ZFHX3: variants seen among roughly 807,000 people sequenced by gnomAD.
ZFHX3 encodes zinc finger homeobox 3.
Under a neutral mutation model 279.1 loss-of-function variants are expected in ZFHX3, and 42 were observed. The ratio of observed to expected loss-of-function variants is 0.15; its 90% confidence interval spans 0.12 to 0.19. The LOEUF (loss-of-function observed/expected upper bound fraction) is 0.19. ZFHX3 is among the 10% of genes least tolerant of loss of function. The probability of loss-of-function intolerance (pLI) is 1.00; values close to 1 mark genes in which losing one functional copy is unlikely to be tolerated. For missense variants in ZFHX3, 4,981 were observed against 4,754.0 expected, an observed-to-expected ratio of 1.05 and a Z score of -1.40; for synonymous variants, 2,293 against 1,957.8, an observed-to-expected ratio of 1.17 and a Z score of -4.52.
intron 3 of ZFHX3, among the ~76,000 whole-genome samples, chr16:72,942,583 G>A (rs1596991073): frequency 6.6e-6 from 1 of 152,192 alleles, no homozygotes; most frequent in Admixed American, 6.5e-5. Flanking sequence ...TAAGTCAGGG[G>A]CCATGGTATA....
At chr16:73,155,237 A>T (rs922671400) in intron 5 of ZFHX3, among the ~76,000 whole-genome samples, 1 of 151,682 alleles carries the variant, frequency 6.6e-6, no homozygotes, top group Non-Finnish European at 1.5e-5. Context: ...TTCAGTTGGC[A>T]TGTATACTCT....
chr16:73,469,628 T>TATA (rs59521048), intron 2 of ZFHX3, among the ~76,000 whole-genome samples: 1 of 148,502 alleles, frequency 6.7e-6, no homozygotes, highest in African/African-American at 2.5e-5. Context: ...TATATATATA[T>TATA]TTTTTTTGAG....
At chr16:73,002,984 A>T (rs1319103284) in intron 1 of ZFHX3, among the ~76,000 whole-genome samples, 2 of 152,178 alleles carry the variant, frequency 1.3e-5, no homozygotes, top group Non-Finnish European at 2.9e-5. Context: ...CTTCTCTTCT[A>T]TGCATATTTT....
chr16:73,887,240 A>G (rs2030376505), intron 1 of ZFHX3, among the ~76,000 whole-genome samples: 1 of 152,228 alleles, frequency 6.6e-6, no homozygotes, highest in African/African-American at 2.4e-5. Context: ...GCGGCAAAGC[A>G]AATTTGAACT....
chr16:73,309,227 T>A (rs1172131621), intron 4 of ZFHX3, among the ~76,000 whole-genome samples: 2 of 152,100 alleles, frequency 1.3e-5, no homozygotes, highest in South Asian at 4.1e-4. Flanking sequence ...CTCTCCCTTC[T>A]CCCACCCTCC....
chr16:73,395,431 T>A (rs2017107388), intron 3 of ZFHX3, among the ~76,000 whole-genome samples: 1 of 152,006 alleles, frequency 6.6e-6, no homozygotes, highest in Non-Finnish European at 1.5e-5. Context: ...ACCACTGCAC[T>A]CTAGCCTGGG....
At chr16:73,198,724 A>T (rs561442053) in intron 5 of ZFHX3, among the ~76,000 whole-genome samples, 11 of 152,274 alleles carry the variant, frequency 7.2e-5, no homozygotes, top group Non-Finnish European at 1.6e-4. Context: ...GACATGTTGG[A>T]AGCGAAGGGC....
intron 3 of ZFHX3, among the ~76,000 whole-genome samples, chr16:73,389,558 C>T (rs58799210): frequency 0.075 from 11,444 of 152,270 alleles, 989 homozygotes; most frequent in South Asian, 0.21. Context: ...ACGTGATTCT[C>T]TTCTAGGATA....
At chr16:73,234,038 A>C (rs1567425510) in intron 5 of ZFHX3, 1 of 152,092 alleles carries the variant, frequency 6.6e-6, no homozygotes, top group African/African-American at 2.4e-5. Context: ...CTGTGTCTGC[A>C]GTGTGTGTGT....
intron 4 of ZFHX3, among the ~76,000 whole-genome samples, chr16:72,856,407 G>C (rs1021425096): frequency 1.6e-4 from 24 of 152,242 alleles, no homozygotes; most frequent in African/African-American, 5.8e-4. Context: ...CAAGTGAAGA[G>C]CTGCGTCTCT....
intron 3 of ZFHX3, among the ~76,000 whole-genome samples, chr16:73,354,951 T>C (rs2016311597): frequency 6.6e-6 from 1 of 152,228 alleles, no homozygotes; most frequent in African/African-American, 2.4e-5. Context: ...GAGGATTGAT[T>C]GGCCTTTGAT....
At chr16:73,626,443 T>C (rs942030561) in intron 2 of ZFHX3, among the ~76,000 whole-genome samples, 5 of 152,164 alleles carry the variant, frequency 3.3e-5, no homozygotes, top group Non-Finnish European at 5.9e-5. Flanking sequence ...TCCTCATCGA[T>C]ATTGGAATAT....
rs58711157 is a variant in ZFHX3, at chr16:73,784,816, T to TACACAC, written c.-1607-104582_-1607-104577dup. On this transcript the variant is annotated intron_variant, in intron 1 of 17. Transcript: ENST00000641206. ...AAAAAAATATATATATATATATATATACACACACACACACACACACATATA... is the reference window on the plus strand; with the variant it reads ...AAAAAAATATATATATATATATATATACACACACACACACACACACACACACATATA... Among the ~76,000 whole-genome samples the TACACAC allele has an allele frequency of 8.9e-3, 1,202 of 135,470 alleles. 10 individuals carry two copies. Among genetic ancestry groups the TACACAC allele is most frequent in the East Asian group, 0.04 (195 of 4,932 alleles). The allele number at this position is 135,470 out of a possible 152,430, so 88.9% of individuals were successfully genotyped here.
chr16:73,206,164 T>C (rs1026416389), intron 5 of ZFHX3, among the ~76,000 whole-genome samples: 4 of 152,246 alleles, frequency 2.6e-5, no homozygotes, highest in Non-Finnish European at 5.9e-5. Flanking sequence ...AACTCAAATA[T>C]TGCTCTGGTT....
intron 1 of ZFHX3, among the ~76,000 whole-genome samples, chr16:73,759,718 G>A (rs1394431080): frequency 1.3e-5 from 2 of 152,080 alleles, no homozygotes; most frequent in Non-Finnish European, 2.9e-5. Flanking sequence ...TTAAACTGGA[G>A]GATACTTTGG....
chr16:73,556,077 T>C (rs916520711), intron 2 of ZFHX3, among the ~76,000 whole-genome samples: 1 of 152,128 alleles, frequency 6.6e-6, no homozygotes, highest in South Asian at 2.1e-4. Flanking sequence ...GAGCATTTGT[T>C]TGCAAACCGT....
At chr16:72,907,240 G>A (rs1194843593) in intron 3 of ZFHX3, among the ~76,000 whole-genome samples, 1 of 152,136 alleles carries the variant, frequency 6.6e-6, no homozygotes, top group African/African-American at 2.4e-5. Context: ...AAGGCCAGAG[G>A]AAACAGCAGC....
intron 3 of ZFHX3, among the ~76,000 whole-genome samples, chr16:73,432,634 C>T (rs1288549952): frequency 2.6e-5 from 4 of 152,160 alleles, no homozygotes; most frequent in Non-Finnish European, 5.9e-5. Context: ...CCATGTAATT[C>T]CTGTTCACTG....
chr16:72,901,408 C>T (rs1257803378), intron 3 of ZFHX3, among the ~76,000 whole-genome samples: 1 of 152,200 alleles, frequency 6.6e-6, no homozygotes, highest in African/African-American at 2.4e-5. Context: ...CAAATACATT[C>T]ATCACCTTCA....
Sources: allele counts gnomAD v4.1 joint callset (sites outside exome capture counted in the v4.1 genomes callset), GRCh38; gene constraint gnomAD v4.1.1; transcripts MANE v1.5; gene names NCBI Gene and HGNC (gene_info 2026-07-23, HGNC 2026-07-21).